CALN1: variants seen among roughly 807,000 people sequenced by gnomAD.
CALN1 encodes calcium-binding protein 8.
Under a neutral mutation model 30.6 loss-of-function variants are expected in CALN1, and 17 were observed. The ratio of observed to expected loss-of-function variants is 0.56; its 90% CI spans 0.38 to 0.83. The LOEUF is 0.83. CALN1 is among the 40% of genes least tolerant of loss of function. CALN1 has a pLI of 0.00. For synonymous variants in CALN1, 156 were observed against 131.4 expected (o/e 1.19, Z -1.28); for missense variants, 291 against 354.9 (o/e 0.82, Z 1.45).
chr7:71,819,423 C>T (rs1295805158), intron 5 of CALN1, among the ~76,000 whole-genome samples: 2 of 152,146 alleles, frequency 1.3e-5, no homozygotes, highest in Admixed American at 6.5e-5. Context: ...AGGCTGGTCT[C>T]GAACTCCCGA....
chr7:72,437,857 T>C (rs887420020), intron 1 of CALN1, among the ~76,000 whole-genome samples: 2 of 145,158 alleles, frequency 1.4e-5, no homozygotes, highest in African/African-American at 2.5e-5. Flanking sequence ...CCTTCCTTCC[T>C]TCTTTCTTTT....
At chr7:72,062,702 T>C (rs1011591492) in intron 4 of CALN1, among the ~76,000 whole-genome samples, 3 of 152,086 alleles carry the variant, frequency 2.0e-5, no homozygotes, top group Non-Finnish European at 4.4e-5. Context: ...TGTAGGTTGA[T>C]ATAACATCTA....
At chr7:72,130,391 T>C (rs182435820) in intron 3 of CALN1, among the ~76,000 whole-genome samples, 192 of 152,284 alleles carry the variant, frequency 1.3e-3, no homozygotes, top group Non-Finnish European at 2.3e-3. Context: ...GTGCATCAAA[T>C]GTTTACCATT....
intron 2 of CALN1, among the ~76,000 whole-genome samples, chr7:72,382,745 C>T (rs551365209): frequency 3.5e-4 from 53 of 152,248 alleles, no homozygotes; most frequent in African/African-American, 1.2e-3. Context: ...TTAGTTCAAC[C>T]TAGCATGATA....
the CALN1 span, among the ~76,000 whole-genome samples, chr7:72,474,723 C>A: frequency 2.6e-5 from 4 of 152,112 alleles, no homozygotes; most frequent in African/African-American, 9.6e-5. Flanking sequence ...CTTCATTGCT[C>A]CCTAAAACGA....
intron 5 of CALN1, among the ~76,000 whole-genome samples, chr7:71,972,840 T>C (rs981814251): frequency 3.3e-5 from 5 of 152,218 alleles, no homozygotes; most frequent in African/African-American, 1.2e-4. Context: ...TGTTGAGACC[T>C]GCAAGGCGTG....
intron 3 of CALN1, among the ~76,000 whole-genome samples, chr7:72,144,317 G>A (rs1014380248): frequency 8.5e-5 from 13 of 152,204 alleles, no homozygotes; most frequent in Non-Finnish European, 1.9e-4. Context: ...AAAGGCAGGG[G>A]TTGCAATCCT....
intron 1 of CALN1, among the ~76,000 whole-genome samples, chr7:72,434,427 C>T (rs1477983135): frequency 6.6e-6 from 1 of 150,820 alleles, no homozygotes; most frequent in Admixed American, 6.6e-5. Context: ...GAGGCTGAGG[C>T]AAGAGAATCG....
rs143463619 is a variant in CALN1, at chr7:72,077,862, T to C, written c.388+28289A>G. On this transcript the variant is annotated intron_variant, in intron 4 of 6. Transcript: ENST00000395275. The stretch of plus-strand genomic sequence containing the variant: ...AGCAAGATGCTTTCCTTCCTTTCTA[T>C]GCCAGGTACCTGATAATTGTCACTT... Among the ~76,000 whole-genome samples the C allele has an allele frequency of 7.7e-4, 118 of 152,328 alleles. 1 individual carries two copies. The highest frequency in any genetic ancestry group is 2.5e-3 in the African/African-American group (106 of 41,592).
At chr7:72,072,822 A>T (rs1222622900) in intron 4 of CALN1, among the ~76,000 whole-genome samples, 1 of 152,248 alleles carries the variant, frequency 6.6e-6, no homozygotes, top group Non-Finnish European at 1.5e-5. Context: ...TTAAGCTGGT[A>T]TAAATCCAAA....
At chr7:71,878,403 A>C (rs75147964) in intron 5 of CALN1, among the ~76,000 whole-genome samples, 30 of 146,544 alleles carry the variant, frequency 2.0e-4, no homozygotes, top group African/African-American at 7.5e-4. Context: ...CCCTGTCTCA[A>C]AAAAAAAAAA....
rs1177494077 is a variant in CALN1, at chr7:72,005,720, T to C, written c.501+17937A>G. On this transcript the variant is annotated intron_variant, in intron 5 of 6. Coordinates refer to ENST00000395275, the MANE Select transcript of CALN1 (RefSeq NM_031468.4). ...GCCCACTCCAAAATTACATAGTATG[T>C]GACTCCATTTATATACAATTTTTGC... 4.6e-5 allele frequency among the ~76,000 whole-genome samples: 7 copies of C among 152,196 alleles called. No individual in the cohort carries two copies. In the East Asian group the frequency reaches 1.2e-3, roughly 25 times the overall value.
intron 2 of CALN1, among the ~76,000 whole-genome samples, chr7:72,373,395 T>C (rs968730561): frequency 6.6e-6 from 1 of 152,236 alleles, no homozygotes; most frequent in Non-Finnish European, 1.5e-5. Flanking sequence ...GTCTCCAAAT[T>C]AAAATGGTCT....
chr7:72,311,000 G>T, intron 2 of CALN1, among the ~76,000 whole-genome samples: 1 of 151,686 alleles, frequency 6.6e-6, no homozygotes, highest in East Asian at 1.9e-4. Flanking sequence ...AGGCACGGGT[G>T]TACTTATGCA....
chr7:72,265,650 T>C (rs1374634178), intron 3 of CALN1, among the ~76,000 whole-genome samples: 1 of 152,102 alleles, frequency 6.6e-6, no homozygotes, highest in Non-Finnish European at 1.5e-5. Flanking sequence ...ATTTTATGAC[T>C]GAGATAAACA....
intron 5 of CALN1, among the ~76,000 whole-genome samples, chr7:71,977,956 T>C (rs1253680868): frequency 7.2e-6 from 1 of 139,356 alleles, no homozygotes; most frequent in South Asian, 2.3e-4. Context: ...AAAAAAGCAA[T>C]GCAAAGAAAA....
chr7:71,794,466 G>C (rs143955136), intron 6 of CALN1, among the ~76,000 whole-genome samples: 11 of 152,288 alleles, frequency 7.2e-5, no homozygotes, highest in Non-Finnish European at 1.5e-4. Context: ...GAAAAACTGT[G>C]AGTCCAAGAT....
At chr7:72,408,089 AAC>A (rs1284188467) in intron 1 of CALN1, among the ~76,000 whole-genome samples, 1 of 152,036 alleles carries the variant, frequency 6.6e-6, no homozygotes, top group Admixed American at 6.5e-5. Context: ...ACATATATTG[AAC>A]ACACATTTAA....
chr7:72,181,448 A>G (rs1789798128), intron 3 of CALN1, among the ~76,000 whole-genome samples: 1 of 151,466 alleles, frequency 6.6e-6, no homozygotes, highest in Non-Finnish European at 1.5e-5. Context: ...CTTTGGACTT[A>G]GCACACACTG....
Sources: allele counts gnomAD v4.1 joint callset (sites outside exome capture counted in the v4.1 genomes callset), GRCh38; gene constraint gnomAD v4.1.1; transcripts MANE v1.5; gene names NCBI Gene and HGNC (gene_info 2026-07-23, HGNC 2026-07-21).